The following SPART variants were observed in gnomAD, a reference collection of about 807,000 sequenced individuals.
SPART encodes spartin.
Under a neutral mutation model 58.7 loss-of-function variants are expected in SPART, and 35 were observed. The observed-to-expected ratio is 0.60, with a 90% CI of 0.46 to 0.79. SPART has a LOEUF of 0.79. Ranked by LOEUF, SPART falls within the 30% of genes least tolerant of loss-of-function variation. The pLI is 0.00. For synonymous variants in SPART, 284 were observed against 280.7 expected (o/e 1.01, Z -0.12); for missense variants, 730 against 786.1 (o/e 0.93, Z 0.85).
At chr13:36,342,209 A>T (rs1038183338) in intron 1 of SPART, among the ~76,000 whole-genome samples, 1 of 152,242 alleles carries the variant, frequency 6.6e-6, no homozygotes, top group Non-Finnish European at 1.5e-5. Context: ...CTAGGTGTTT[A>T]TCTCAATCCT....
rs1276521838 is a variant in SPART, at chr13:36,329,592, A to G, written c.1009-75T>C. Reference sequence around the variant, plus strand: ...GGCTTTCTGCCAGCTATATTACACCATGCTCAAATGACATACTTGTTTGAA... The same window carrying G: ...GGCTTTCTGCCAGCTATATTACACCGTGCTCAAATGACATACTTGTTTGAA... On this transcript the variant is annotated intron_variant, in intron 3 of 8. Transcript: ENST00000438666. The G allele has an allele frequency of 4.9e-6, 7 of 1,425,990 alleles. No individual in the cohort carries two copies. In the Admixed American group the frequency reaches 1.2e-4, roughly 24 times the overall value. 88.3% of individuals were successfully genotyped at this position (1,425,990 alleles called of 1,614,324 possible).
intron 1 of SPART, among the ~76,000 whole-genome samples, chr13:36,343,155 C>T (rs1884740593): frequency 6.6e-6 from 1 of 152,098 alleles, no homozygotes; most frequent in Admixed American, 6.6e-5. Context: ...TTCTAATCAA[C>T]TATTTATAAT....
rs1880133903 is a variant in SPART at position 36,302,941 on chromosome 13, T to C, written c.*1424A>G. 6.6e-6 allele frequency: 1 copy of C among 152,176 alleles called. No homozygotes were observed. Among genetic ancestry groups the C allele is most frequent in the Non-Finnish European group, 1.5e-5 (1 of 68,012 alleles). The allele number at this position is 152,176 out of a possible 1,614,324, so 9.4% of individuals were successfully genotyped here. ...CTACTCTCTATCTCCTTAAGTTTGA[T>C]TATTGTAATTTTTAGCTCCCACAAA... On this transcript the variant is annotated 3_prime_UTR_variant, in exon 9 of 9. Coordinates refer to ENST00000438666, the MANE Select transcript of SPART (RefSeq NM_015087.5).
chr13:36,359,509 C>A (rs1280813010), intron 1 of SPART, among the ~76,000 whole-genome samples: 1 of 152,202 alleles, frequency 6.6e-6, no homozygotes, highest in African/African-American at 2.4e-5. Context: ...CCATCACATG[C>A]AGCTGTTTGA....
intron 1 of SPART, among the ~76,000 whole-genome samples, chr13:36,344,889 CCTAAATT>C (rs1210491883): frequency 6.6e-6 from 1 of 152,160 alleles, no homozygotes; most frequent in Non-Finnish European, 1.5e-5. Flanking sequence ...CAGTAGTTCA[CCTAAATT>C]CTAATTTTTT....
chr13:36,353,774 C>CGACAACATTCAAATACTCTGTTCA (rs1566147060), intron 1 of SPART, among the ~76,000 whole-genome samples: 3 of 152,048 alleles, frequency 2.0e-5, no homozygotes, highest in Non-Finnish European at 4.4e-5. Context: ...TTTGTGGTTT[C>CGACAACATTCAAATACTCTGTTCA]GACAACATTC....
intron 2 of SPART, among the ~76,000 whole-genome samples, chr13:36,332,517 A>C (rs1883554972): frequency 6.6e-6 from 1 of 152,222 alleles, no homozygotes; most frequent in Non-Finnish European, 1.5e-5. Flanking sequence ...GAAAAAATAA[A>C]TGAATAAATA....
At chr13:36,345,611 C>A (rs1484211515) in intron 1 of SPART, 1 of 152,222 alleles carries the variant, frequency 6.6e-6, no homozygotes, top group Non-Finnish European at 1.5e-5. Flanking sequence ...CGCAATAATG[C>A]TGCGTCACGA....
At chr13:36,308,529 C>A (rs960075877) in intron 8 of SPART, 12 of 152,002 alleles carry the variant, frequency 7.9e-5, no homozygotes, top group South Asian at 2.1e-4. Context: ...TGCTATTTAT[C>A]ATATTAAGTT....
Position 36,329,454 on chromosome 13 carries a change from A to C in SPART, c.1072T>G (p.Ser358Ala). The change falls in exon 4 of 9, where the codon TCT becomes GCT. Residue 358 changes from serine (S) to alanine (A), a missense_variant. Ser to Ala is a moderately conservative substitution (Grantham distance 99). Coordinates refer to ENST00000438666, the MANE Select transcript of SPART (RefSeq NM_015087.5). ...CCAGAGGCTTCTTTTAGTTGGTCAGAGGAGGGTCTAGTTCTTCCAGGGATT... is the reference window on the plus strand; with the variant it reads ...CCAGAGGCTTCTTTTAGTTGGTCAGCGGAGGGTCTAGTTCTTCCAGGGATT... Reference protein sequence around the residue: ...FQIPGRTRPSSDQLKEASGTD... With the variant: ...FQIPGRTRPSADQLKEASGTD... 1.2e-6 allele frequency: 2 copies of C among 1,614,100 alleles called. No homozygotes were observed. The highest frequency in any genetic ancestry group is 8.5e-7 in the Non-Finnish European group (1 of 1,179,994).
Position 36,304,325 on chromosome 13 carries a change from A to C in SPART, c.*40T>G, listed in dbSNP as rs1249928415. On this transcript the variant is annotated 3_prime_UTR_variant, in exon 9 of 9. Coordinates refer to ENST00000438666, the MANE Select transcript of SPART (RefSeq NM_015087.5). ...TTGCCTATTTAACAAAATTTCATCC[A>C]TTTCATAAGGCTTTGGTATAAGTGA... 1 of 1,613,212 alleles carries C rather than the reference A, an allele frequency of 6.2e-7. No individual in the cohort carries two copies. Among genetic ancestry groups the C allele is most frequent in the Non-Finnish European group, 8.5e-7 (1 of 1,179,608 alleles).
At chr13:36,318,440 G>A (rs1173357596) in intron 5 of SPART, among the ~76,000 whole-genome samples, 2 of 152,040 alleles carry the variant, frequency 1.3e-5, no homozygotes, top group Admixed American at 6.6e-5. Context: ...GACCCTAAAA[G>A]GTCAAAAGGC....
At chr13:36,320,943 A>C (rs1342542079) in intron 5 of SPART, among the ~76,000 whole-genome samples, 1 of 152,180 alleles carries the variant, frequency 6.6e-6, no homozygotes, top group African/African-American at 2.4e-5. Context: ...TCCATCTTCA[A>C]GAAAAGTAGA....
chr13:36,322,595 A>T (rs142320254), intron 5 of SPART, among the ~76,000 whole-genome samples: 1 of 152,226 alleles, frequency 6.6e-6, no homozygotes, highest in Non-Finnish European at 1.5e-5. Context: ...TATGAGTTTA[A>T]AACACTGATC....
chr13:36,326,040 C>G (rs1882896839), intron 5 of SPART: 1 of 153,840 alleles, frequency 6.5e-6, no homozygotes, highest in Admixed American at 6.5e-5. Flanking sequence ...ATGACACCTT[C>G]TTACTGCTTC....
chr13:36,313,891 C>T, intron 6 of SPART: 1 of 311,256 alleles, frequency 3.2e-6, no homozygotes, highest in Non-Finnish European at 6.0e-6. Context: ...TTCAAAGATA[C>T]ACACATTCTC....
intron 5 of SPART, among the ~76,000 whole-genome samples, chr13:36,320,691 A>C (rs1457254063): frequency 1.3e-5 from 2 of 152,136 alleles, no homozygotes; most frequent in Admixed American, 6.5e-5. Context: ...ACATGCCCCG[A>C]GTCAGATAAC....
At chr13:36,316,361 C>T (rs1256586486) in intron 5 of SPART, among the ~76,000 whole-genome samples, 1 of 152,214 alleles carries the variant, frequency 6.6e-6, no homozygotes, top group Middle Eastern at 3.2e-3. Flanking sequence ...CCATCGCATC[C>T]CCTGTGACTT....
chr13:36,354,224 C>A (rs1453819454), intron 1 of SPART, among the ~76,000 whole-genome samples: 2 of 152,092 alleles, frequency 1.3e-5, no homozygotes, highest in African/African-American at 4.8e-5. Context: ...TTTTTTTCTA[C>A]ATCATAAGAT....
Sources: gnomAD v4.1 joint callset for allele counts (sites outside exome capture counted in the v4.1 genomes callset) on GRCh38, gnomAD v4.1.1 for gene constraint, MANE v1.5 for transcripts, NCBI Gene and HGNC (gene_info 2026-07-23, HGNC 2026-07-21) for gene names.